The following SEMA6D variants were observed in gnomAD, a reference collection of about 807,000 sequenced individuals.
SEMA6D encodes the protein semaphorin 6D.
SEMA6D carries 35 observed loss-of-function variants against 106.6 expected under a neutral mutation model. The ratio of observed to expected loss-of-function variants is 0.33; its 90% CI spans 0.25 to 0.44. SEMA6D has a LOEUF of 0.44. Among genes scored for constraint, SEMA6D ranks in the 20% least tolerant of loss-of-function variants. The probability of loss-of-function intolerance (pLI) is 1.00; values close to 1 mark genes in which losing one functional copy is unlikely to be tolerated. For missense variants in SEMA6D, 1,185 were observed against 1,345.9 expected (o/e 0.88, Z 1.87); for synonymous variants, 499 against 487.7 (o/e 1.02, Z -0.31).
At chr15:47,543,657 A>T (rs2045426695) in intron 3 of SEMA6D, among the ~76,000 whole-genome samples, 1 of 152,144 alleles carries the variant, frequency 6.6e-6, no homozygotes, top group Non-Finnish European at 1.5e-5. Flanking sequence ...TTTTAAGACA[A>T]GTGTTTTTCC....
intron 1 of SEMA6D, among the ~76,000 whole-genome samples, chr15:47,235,883 T>G (rs11858146): frequency 1.3e-5 from 2 of 151,796 alleles, no homozygotes. Flanking sequence ...GCCTTTTGAG[T>G]GGATCTTCCA....
intron 1 of SEMA6D, chr15:47,730,458 C>A: frequency 1.5e-6 from 2 of 1,362,726 alleles, no homozygotes; most frequent in East Asian, 4.6e-5. Flanking sequence ...TCGATGGGAT[C>A]CACGTCGTGT....
intron 4 of SEMA6D, among the ~76,000 whole-genome samples, chr15:47,658,980 A>G (rs1462301742): frequency 1.3e-5 from 2 of 152,134 alleles, no homozygotes; most frequent in Non-Finnish European, 2.9e-5. Flanking sequence ...TTTACGAAGA[A>G]AACTTTAATA....
chr15:47,585,022 G>C (rs1245352479), intron 3 of SEMA6D, among the ~76,000 whole-genome samples: 1 of 152,160 alleles, frequency 6.6e-6, no homozygotes, highest in African/African-American at 2.4e-5. Context: ...GAAGGCAGCA[G>C]GTGTCCATCG....
At chr15:47,761,612 C>T (rs770496787) in intron 6 of SEMA6D, 49 bp from the exon 7 acceptor site, 12 of 1,416,708 alleles carry the variant, frequency 8.5e-6, no homozygotes, top group African/African-American at 2.9e-5. Flanking sequence ...TGCCTTCAAA[C>T]GGGCACGTTG....
chr15:47,294,262 T>C (rs901477673), intron 1 of SEMA6D, among the ~76,000 whole-genome samples: 4 of 152,032 alleles, frequency 2.6e-5, no homozygotes, highest in African/African-American at 9.7e-5. Context: ...TTGGAGTCTT[T>C]CTCTGTCGCC....
intron 1 of SEMA6D, among the ~76,000 whole-genome samples, chr15:47,242,007 G>C (rs2032941980): frequency 6.6e-6 from 1 of 152,096 alleles, no homozygotes; most frequent in Non-Finnish European, 1.5e-5. Flanking sequence ...GCAGTCACGG[G>C]TATGAATTCC....
chr15:47,193,509 G>C (rs1894109244), intron 1 of SEMA6D, among the ~76,000 whole-genome samples: 1 of 152,112 alleles, frequency 6.6e-6, no homozygotes, highest in African/African-American at 2.4e-5. Context: ...TGTTTTAGCT[G>C]TTTGTCAAGG....
intron 4 of SEMA6D, among the ~76,000 whole-genome samples, chr15:47,653,186 A>C (rs2077725728): frequency 6.6e-6 from 1 of 152,226 alleles, no homozygotes; most frequent in African/African-American, 2.4e-5. Context: ...CAAGATAATG[A>C]GAAATTTTCT....
intron 1 of SEMA6D, among the ~76,000 whole-genome samples, chr15:47,407,097 G>A (rs1272597816): frequency 2.0e-5 from 3 of 151,878 alleles, no homozygotes; most frequent in Non-Finnish European, 4.4e-5. Context: ...CCGGGGGGTG[G>A]CTCATGCCTG....
intron 4 of SEMA6D, among the ~76,000 whole-genome samples, chr15:47,621,002 GA>G (rs200711323): frequency 1.3e-5 from 2 of 149,978 alleles, no homozygotes; most frequent in Non-Finnish European, 3.0e-5. Flanking sequence ...AGGGTGATAT[GA>G]AAAAAAAACC....
rs187581899 is a variant in SEMA6D, at chr15:47,339,848, C to G, written c.-238-72545C>G. Among the ~76,000 whole-genome samples the G allele has an allele frequency of 1.2e-3, 184 of 149,926 alleles. 2 individuals are homozygous for G. The highest frequency in any genetic ancestry group is 0.011 in the Admixed American group (161 of 15,060). ...TCCAACTTGGGCGACAGAGTGAGAC[C>G]CTGTCTCCAAAAACAGAAAGAAAGA... On this transcript the variant is annotated intron_variant, in intron 1 of 19. Transcript: ENST00000558014.
At chr15:47,430,851 G>A (rs968981708) in intron 2 of SEMA6D, among the ~76,000 whole-genome samples, 27 of 152,062 alleles carry the variant, frequency 1.8e-4, no homozygotes. Flanking sequence ...AGTTGAGGTG[G>A]GATGGAGGTG....
intron 4 of SEMA6D, among the ~76,000 whole-genome samples, chr15:47,639,389 C>T (rs968903094): frequency 6.6e-6 from 1 of 152,148 alleles, no homozygotes; most frequent in East Asian, 1.9e-4. Context: ...TGAATCCATG[C>T]ACTTATACAT....
chr15:47,299,108 G>A (rs1374405245), intron 1 of SEMA6D, among the ~76,000 whole-genome samples: 1 of 152,176 alleles, frequency 6.6e-6, no homozygotes, highest in African/African-American at 2.4e-5. Flanking sequence ...CAGATGTCAA[G>A]GTGACTGCTG....
intron 2 of SEMA6D, among the ~76,000 whole-genome samples, chr15:47,429,036 G>A (rs1206179335): frequency 1.3e-5 from 2 of 151,406 alleles, no homozygotes; most frequent in Admixed American, 6.6e-5. Context: ...GGAAGGAAAA[G>A]GACAGGAGGA....
intron 4 of SEMA6D, among the ~76,000 whole-genome samples, chr15:47,681,956 T>C (rs2078362984): frequency 6.6e-6 from 1 of 152,154 alleles, no homozygotes; most frequent in Non-Finnish European, 1.5e-5. Flanking sequence ...AAAAAAGCTT[T>C]TAGGTTCAAT....
intron 3 of SEMA6D, among the ~76,000 whole-genome samples, chr15:47,486,173 G>A (rs1318349028): frequency 1.3e-5 from 2 of 152,176 alleles, no homozygotes; most frequent in African/African-American, 4.8e-5. Flanking sequence ...ATACAAGGCA[G>A]AGTTGCAAAC....
At chr15:47,528,431 A>G (rs1273714495) in intron 3 of SEMA6D, among the ~76,000 whole-genome samples, 1 of 152,148 alleles carries the variant, frequency 6.6e-6, no homozygotes, top group African/African-American at 2.4e-5. Context: ...GTAGAGTTGG[A>G]AAACAGGCAA....
Sources: gnomAD v4.1 joint callset for allele counts (sites outside exome capture counted in the v4.1 genomes callset) on GRCh38, gnomAD v4.1.1 for gene constraint, MANE v1.5 for transcripts, NCBI Gene and HGNC (gene_info 2026-07-23, HGNC 2026-07-21) for gene names.